GRIK3: variants seen among roughly 807,000 people sequenced by gnomAD.
GRIK3 encodes the protein glutamate ionotropic receptor kainate type subunit 3.
In GRIK3, 29 loss-of-function variants were observed where a neutral mutation model predicts 102.5. That is an observed-to-expected ratio of 0.28 (90% CI 0.21 to 0.39). GRIK3 has a LOEUF of 0.39. GRIK3 is among the 10% of genes least tolerant of loss of function. The pLI is 1.00. For missense variants in GRIK3, 908 were observed against 1,252.4 expected (o/e 0.73, Z 4.15); for synonymous variants, 511 against 504.9 (o/e 1.01, Z -0.16).
intron 1 of GRIK3, among the ~76,000 whole-genome samples, chr1:36,964,160 TG>T (rs1183664432): frequency 6.6e-6 from 1 of 152,194 alleles, no homozygotes; most frequent in African/African-American, 2.4e-5. Context: ...CTTACACAGC[TG>T]GGCGAGGTCT....
chr1:36,894,251 C>A (rs2124276047), intron 1 of GRIK3, among the ~76,000 whole-genome samples: 1 of 152,316 alleles, frequency 6.6e-6, no homozygotes, highest in Non-Finnish European at 1.5e-5. Context: ...TGGAATCATG[C>A]AATAGGTGGT....
At chr1:37,020,182 G>A (rs1247674840) in intron 1 of GRIK3, among the ~76,000 whole-genome samples, 1 of 152,102 alleles carries the variant, frequency 6.6e-6, no homozygotes, top group Non-Finnish European at 1.5e-5. Flanking sequence ...CTCCTGGCAC[G>A]ACTTTTCTGT....
chr1:36,817,978 A>T (rs1642650916), intron 12 of GRIK3, among the ~76,000 whole-genome samples: 1 of 152,202 alleles, frequency 6.6e-6, no homozygotes, highest in Non-Finnish European at 1.5e-5. Flanking sequence ...CCCCGACCTT[A>T]GGTGGGGAGC....
chr1:36,931,396 C>T (rs1361660925), intron 1 of GRIK3, among the ~76,000 whole-genome samples: 2 of 152,186 alleles, frequency 1.3e-5, no homozygotes, highest in Non-Finnish European at 2.9e-5. Flanking sequence ...TCTCTGATCA[C>T]TTTTTCTGAG....
At chr1:36,820,526 T>A (rs1256309049) in intron 11 of GRIK3, among the ~76,000 whole-genome samples, 1 of 152,190 alleles carries the variant, frequency 6.6e-6, no homozygotes, top group East Asian at 1.9e-4. Flanking sequence ...ACTATCAGTG[T>A]TTACTTCTGG....
At chr1:36,836,563 G>A (rs1157198705) in intron 10 of GRIK3, among the ~76,000 whole-genome samples, 1 of 152,236 alleles carries the variant, frequency 6.6e-6, no homozygotes, top group East Asian at 1.9e-4. Flanking sequence ...CAGAGCGGAT[G>A]TGTGGGTGGT....
rs572107668 is a variant in GRIK3, at chr1:36,806,226, G to T, written c.2192C>A (p.Thr731Lys). ...NNEEGIQRAL[T>K]ADYALLMEST... ...CTCCATGAGCAGCGCGTAGTCGGCC[G>T]TCAGGGCCCTCTGGATGCCCTCCTC... is the stretch of plus-strand genomic sequence containing the variant. The change falls in exon 14 of 16, where the codon ACG becomes AAG. Residue 731 changes from threonine to lysine, a missense_variant. Thr to Lys is a moderately conservative substitution (Grantham distance 78, BLOSUM62 -1). This residue lies in a region of GRIK3 where 297 missense variants were observed against 362.7 expected (regional missense o/e 0.82). Coordinates refer to ENST00000373091, the MANE Select transcript of GRIK3 (RefSeq NM_000831.4). The surrounding 1 kb of genome is among the most constrained non-coding windows in gnomAD (Gnocchi z 4.0). 2 of 1,613,962 alleles carry T rather than the reference G, an allele frequency of 1.2e-6. No homozygotes were observed. Among genetic ancestry groups the T allele is most frequent in the Admixed American group, 1.7e-5 (1 of 60,034 alleles).
chr1:36,888,145 A>G (rs908958312), intron 2 of GRIK3, among the ~76,000 whole-genome samples: 2 of 152,218 alleles, frequency 1.3e-5, no homozygotes, highest in African/African-American at 4.8e-5. Flanking sequence ...ACCAACACAT[A>G]AGTGTAACAA....
intron 9 of GRIK3, chr1:36,849,704 G>A (rs115495240): frequency 3.3e-3 from 508 of 152,794 alleles, no homozygotes; most frequent in Non-Finnish European, 5.8e-3. Flanking sequence ...TCCTGCCCCC[G>A]CATGAGCTCA....
intron 1 of GRIK3, among the ~76,000 whole-genome samples, chr1:36,938,758 CAGTGA>C: frequency 6.6e-6 from 1 of 152,336 alleles, no homozygotes; most frequent in South Asian, 2.1e-4. Context: ...TCCCTGACCA[CAGTGA>C]CTGTTGGGGG....
At chr1:36,862,310 C>T (rs994665508) in intron 5 of GRIK3, among the ~76,000 whole-genome samples, 2 of 152,048 alleles carry the variant, frequency 1.3e-5, no homozygotes, top group African/African-American at 4.8e-5. Flanking sequence ...TGTCTTTTTT[C>T]TCCCTTTCAG....
intron 1 of GRIK3, among the ~76,000 whole-genome samples, chr1:36,964,988 C>T (rs1272645260): frequency 6.6e-6 from 1 of 152,196 alleles, no homozygotes. Context: ...GTTTGTTGAT[C>T]CTCTTAAGGT....
intron 2 of GRIK3, among the ~76,000 whole-genome samples, chr1:36,885,380 G>A (rs550719292): frequency 6.6e-6 from 1 of 152,272 alleles, no homozygotes; most frequent in South Asian, 2.1e-4. Flanking sequence ...AGTGATGGAG[G>A]TGATGACAGT....
At chr1:36,949,012 C>A (rs1390328844) in intron 1 of GRIK3, among the ~76,000 whole-genome samples, 1 of 152,170 alleles carries the variant, frequency 6.6e-6, no homozygotes, top group East Asian at 1.9e-4. Flanking sequence ...GCTCAGACTG[C>A]CTGGGAAGAA....
chr1:36,916,509 A>G (rs950047363), intron 1 of GRIK3, among the ~76,000 whole-genome samples: 1 of 152,174 alleles, frequency 6.6e-6, no homozygotes, highest in Non-Finnish European at 1.5e-5. Flanking sequence ...ACAGGCATGG[A>G]GACCTAGGAG....
chr1:36,859,194 C>G lies in GRIK3; in HGVS notation c.1018G>C (p.Ala340Pro). 6.2e-7 allele frequency: 1 copy of G among 1,613,840 alleles called. No individual in the cohort carries two copies. The highest frequency in any genetic ancestry group is 8.5e-7 in the Non-Finnish European group (1 of 1,179,736). The change falls in exon 7 of 16, where the codon GCA becomes CCA. Residue 340 changes from alanine (A) to proline (P), a missense_variant. Transcript: ENST00000373091. Reference protein sequence around the residue: ...VHIVSVCYQRAPQMTVNSLQC... With the variant: ...VHIVSVCYQRPPQMTVNSLQC... Reference sequence around the variant, plus strand: ...AGGGAGTTCACGGTCATCTGTGGTGCCCGCTGGTAGCACACGGACACGATA... The same window carrying G: ...AGGGAGTTCACGGTCATCTGTGGTGGCCGCTGGTAGCACACGGACACGATA...
intron 10 of GRIK3, among the ~76,000 whole-genome samples, chr1:36,833,633 G>A (rs1015006611): frequency 6.6e-6 from 1 of 152,236 alleles, no homozygotes; most frequent in Admixed American, 6.5e-5. Flanking sequence ...ACACATGCAG[G>A]CCAGAACCAA....
chr1:36,864,987 C>A (rs1423448541), intron 5 of GRIK3, among the ~76,000 whole-genome samples: 1 of 152,144 alleles, frequency 6.6e-6, no homozygotes, highest in Non-Finnish European at 1.5e-5. Context: ...CGACGAGGGA[C>A]CTTTTAGAAA....
chr1:36,997,587 G>T (rs1282660291), intron 1 of GRIK3, among the ~76,000 whole-genome samples: 1 of 152,190 alleles, frequency 6.6e-6, no homozygotes, highest in Non-Finnish European at 1.5e-5. Flanking sequence ...CGGTGGAGGT[G>T]CCCCCAGGCA....
Sources: allele counts gnomAD v4.1 joint callset (sites outside exome capture counted in the v4.1 genomes callset), GRCh38; gene constraint gnomAD v4.1.1; regional missense constraint gnomAD v4.1.1; non-coding constraint Gnocchi (gnomAD v3.1); transcripts MANE v1.5; gene names NCBI Gene and HGNC (gene_info 2026-07-23, HGNC 2026-07-21).